Variants in TMCO4 observed in about 807,000 individuals in gnomAD.
TMCO4 encodes transmembrane and coiled-coil domains 4.
Under a neutral mutation model 64.7 loss-of-function variants are expected in TMCO4, and 58 were observed. That is an observed-to-expected ratio of 0.90 (90% CI 0.73 to 1.12). The LOEUF is 1.12. TMCO4 is among the 50% of genes most tolerant of loss of function. TMCO4 has a pLI of 0.00. For synonymous variants in TMCO4, 325 were observed against 346.1 expected, an observed-to-expected ratio of 0.94 and a Z score of 0.68; for missense variants, 780 against 825.9, an observed-to-expected ratio of 0.94 and a Z score of 0.68.
At chr1:19,797,936 G>C (rs2044401346) in intron 2 of TMCO4, 1 of 138,108 alleles carries the variant, frequency 7.2e-6, no homozygotes, top group African/African-American at 3.8e-5. Context: ...GGGAGAGAGA[G>C]AGAAAGAGAG....
chr1:19,797,842 T>TGACAGAGTGA (rs1224220424), intron 2 of TMCO4, among the ~76,000 whole-genome samples: 8 of 122,382 alleles, frequency 6.5e-5, no homozygotes, highest in African/African-American at 2.6e-4. Flanking sequence ...CCAGCCTGGG[T>TGACAGAGTGA]GACAGAGTGA....
At chr1:19,742,013 T>C (rs917543332) in intron 10 of TMCO4, among the ~76,000 whole-genome samples, 1 of 152,004 alleles carries the variant, frequency 6.6e-6, no homozygotes, top group Non-Finnish European at 1.5e-5. Context: ...GCTGGAATTA[T>C]AGGCGTGAAC....
At chr1:19,781,453 C>G (rs575415270) in intron 3 of TMCO4, among the ~76,000 whole-genome samples, 5 of 148,240 alleles carry the variant, frequency 3.4e-5, no homozygotes, top group Admixed American at 6.7e-5. Context: ...GAGAATGAAA[C>G]CCTGTCTCTT....
intron 15 of TMCO4, among the ~76,000 whole-genome samples, chr1:19,692,612 T>C (rs967294982): frequency 6.8e-6 from 1 of 147,186 alleles, no homozygotes; most frequent in Non-Finnish European, 1.5e-5. Flanking sequence ...ATGGGCGTGG[T>C]GGCAGGCGCC....
At chr1:19,765,349 C>T (rs1395551878) in intron 6 of TMCO4, among the ~76,000 whole-genome samples, 2 of 152,142 alleles carry the variant, frequency 1.3e-5, no homozygotes, top group Non-Finnish European at 2.9e-5. Context: ...CCTAGAAGAG[C>T]AACTAGAAGA....
At chr1:19,752,787 G>A (rs2042078091) in intron 7 of TMCO4, among the ~76,000 whole-genome samples, 1 of 151,816 alleles carries the variant, frequency 6.6e-6, no homozygotes, top group African/African-American at 2.4e-5. Flanking sequence ...GACCTTGGCT[G>A]AGTTATGCCA....
intron 6 of TMCO4, among the ~76,000 whole-genome samples, chr1:19,761,444 T>C (rs1479918827): frequency 6.6e-6 from 1 of 152,242 alleles, no homozygotes; most frequent in Admixed American, 6.5e-5. Flanking sequence ...TTTTGGATCC[T>C]GCCGGAAGGA....
intron 3 of TMCO4, among the ~76,000 whole-genome samples, chr1:19,781,268 C>T (rs1192114773): frequency 6.6e-6 from 1 of 151,810 alleles, no homozygotes; most frequent in African/African-American, 2.4e-5. Context: ...CAAGACCAGC[C>T]TGGGCAACAT....
chr1:19,758,967 T>G (rs1205144580), intron 6 of TMCO4, among the ~76,000 whole-genome samples: 1 of 151,844 alleles, frequency 6.6e-6, no homozygotes, highest in East Asian at 1.9e-4. Flanking sequence ...CCAGGTATGG[T>G]GGCACACGTT....
chr1:19,774,576 G>T (rs1458269889), intron 4 of TMCO4, among the ~76,000 whole-genome samples: 1 of 152,190 alleles, frequency 6.6e-6, no homozygotes, highest in African/African-American at 2.4e-5. Flanking sequence ...TATGCAAAGT[G>T]CCAGCACAGC....
chr1:19,701,132 C>A, intron 13 of TMCO4: 1 of 351,956 alleles, frequency 2.8e-6, no homozygotes, highest in Non-Finnish European at 5.1e-6. Flanking sequence ...TAATCTATTC[C>A]TTCAAAGGAT....
chr1:19,742,770 G>C (rs2095485349), intron 10 of TMCO4, among the ~76,000 whole-genome samples: 1 of 152,154 alleles, frequency 6.6e-6, no homozygotes, highest in South Asian at 2.1e-4. Flanking sequence ...GGTGTGGTGG[G>C]GATCACAGGA....
Position 19,683,396 on chromosome 1 carries a change from C to T in TMCO4, c.1549G>A (p.Ala517Thr), listed in dbSNP as rs1301529186. Residue 517 changes from alanine to threonine, a missense_variant, in exon 16 of 16, where the codon GCC becomes ACC. By Grantham distance (58) the Ala-to-Thr change is moderately conservative. Coordinates refer to ENST00000294543, the MANE Select transcript of TMCO4 (RefSeq NM_181719.7). ...CCTGGCTTGGTGCGGATGCCCACGGCCTTCAGGATGGCATCCATCTGCTTG... is the reference window on the plus strand; with the variant it reads ...CCTGGCTTGGTGCGGATGCCCACGGTCTTCAGGATGGCATCCATCTGCTTG... ...YAKQMDAILK[A>T]VGIRTKPGWD... is the part of the protein sequence containing the mutation. 3.1e-6 allele frequency: 5 copies of T among 1,613,498 alleles called. 1 individual carries two copies. The African/African-American group carries it at 5.3e-5, about 17-fold the overall frequency.
In TMCO4 at chr1:19,682,632, T is replaced by C. The variant is rs1396515514; in HGVS notation, c.*408A>G. ...AAGAACAGGCATGCACCTGGTTTTATTGAGGCCAGGGGAGAGCTGGTGTGG... is the reference window on the plus strand; with the variant it reads ...AAGAACAGGCATGCACCTGGTTTTACTGAGGCCAGGGGAGAGCTGGTGTGG... On this transcript the variant is annotated 3_prime_UTR_variant, in exon 16 of 16. Coordinates refer to ENST00000294543, the MANE Select transcript of TMCO4 (RefSeq NM_181719.7). 14 of 717,384 alleles carry C rather than the reference T, an allele frequency of 2.0e-5. No homozygotes were observed. Among genetic ancestry groups the C allele is most frequent in the Non-Finnish European group, 2.1e-5 (8 of 385,034 alleles). The allele number at this position is 717,384 out of a possible 1,614,324, so 44.4% of individuals were successfully genotyped here. A position where few individuals can be genotyped will look rare whatever the true frequency, so the allele number is the denominator to read the frequency against.
intron 13 of TMCO4, among the ~76,000 whole-genome samples, chr1:19,717,462 T>C (rs532987749): frequency 6.6e-6 from 1 of 152,350 alleles, no homozygotes; most frequent in South Asian, 2.1e-4. Flanking sequence ...AAAATGCTAC[T>C]ACTGAAGGTT....
chr1:19,797,270 AT>A (rs1557641948), intron 2 of TMCO4, among the ~76,000 whole-genome samples: 1 of 152,202 alleles, frequency 6.6e-6, no homozygotes, highest in Non-Finnish European at 1.5e-5. Context: ...CAATGAGAGT[AT>A]AATTCCACCC....
At position 19,739,888 on chromosome 1, in the gene TMCO4, AC is replaced by A; in HGVS notation, c.1114del (p.Val372CysfsTer29). 2 of 1,613,302 alleles carry A rather than the reference AC, an allele frequency of 1.2e-6. No individual in the cohort carries two copies. The highest frequency in any genetic ancestry group is 1.7e-6 in the Non-Finnish European group (2 of 1,179,830). On this transcript the variant is annotated frameshift_variant, in exon 12 of 16. Coordinates refer to ENST00000294543, the MANE Select transcript of TMCO4 (RefSeq NM_181719.7). LOFTEE classifies it high-confidence loss of function. ...AACCTCTGCTGATCGATGGAGACAC[AC>A]CCCCCAGGGGTTGTCGATGACATTG... ...VANVIDNPWG[V>X]CLHRSAEVGK...
intron 13 of TMCO4, among the ~76,000 whole-genome samples, chr1:19,729,331 A>G (rs965742302): frequency 1.3e-5 from 2 of 151,790 alleles, no homozygotes; most frequent in Non-Finnish European, 2.9e-5. Flanking sequence ...TATTTTTAGT[A>G]GAGATGGGGT....
intron 2 of TMCO4, among the ~76,000 whole-genome samples, chr1:19,791,089 A>G (rs895453303): frequency 5.9e-5 from 9 of 152,314 alleles, no homozygotes; most frequent in South Asian, 2.1e-4. Flanking sequence ...GTTCTCACTT[A>G]TAAGTGGGAG....
Sources: gnomAD v4.1 joint callset for allele counts (sites outside exome capture counted in the v4.1 genomes callset) on GRCh38, gnomAD v4.1.1 for gene constraint, MANE v1.5 for transcripts, NCBI Gene and HGNC (gene_info 2026-07-23, HGNC 2026-07-21) for gene names.